The following MAK variants were observed in gnomAD, a reference collection of about 807,000 sequenced individuals.
The protein encoded by MAK is male germ cell associated kinase.
MAK carries 65 observed loss-of-function variants against 82.6 expected under a neutral mutation model. That is an observed-to-expected ratio of 0.79 (90% CI 0.64 to 0.97). MAK has a LOEUF of 0.97. Ranked by LOEUF, MAK falls within the 50% of genes least tolerant of loss-of-function variation. The pLI, the probability that MAK is intolerant of heterozygous loss-of-function variation, is 0.00. For missense variants in MAK, 703 were observed against 780.2 expected, an observed-to-expected ratio of 0.90 and a Z score of 1.18; for synonymous variants, 250 against 274.2, an observed-to-expected ratio of 0.91 and a Z score of 0.87.
rs777163256 is a variant in MAK at position 10,830,599 on chromosome 6, C to T, written c.50G>A (p.Ser17Asn). The T allele has an allele frequency of 1.1e-5, 18 of 1,614,072 alleles. No individual in the cohort carries two copies. The African/African-American group carries it at 2.3e-4, about 20-fold the overall frequency. The change falls in exon 2 of 15, where the codon AGT becomes AAT. Residue 17 changes from serine (S) to asparagine (N), a missense_variant. Ser to Asn is a conservative substitution (Grantham distance 46). Coordinates refer to ENST00000354489, the MANE Select transcript of MAK (RefSeq NM_001242957.3). ...MRQLGDGTYGSVLMGKSNESG... is the reference protein window; with the variant it reads ...MRQLGDGTYGNVLMGKSNESG... ...TTCATTACTCTTGCCCATAAGCACA[C>T]TCCCATACGTGCCGTCCCCCAACTG...
In MAK at chr6:10,800,637, C is replaced by T. The variant is rs185577144; in HGVS notation, c.831+1255G>A. 0.014 allele frequency among the ~76,000 whole-genome samples: 2,168 copies of T among 151,904 alleles called. 24 individuals are homozygous for T. The highest frequency in any genetic ancestry group is 0.023 in the Non-Finnish European group (1,562 of 67,960). ...GGCAGATCACCTGAGGTTGGGAGGT[C>T]GAGACCAGCCTCACCAACATGGAGA... On this transcript the variant is annotated intron_variant, in intron 8 of 14. Coordinates refer to ENST00000354489, the MANE Select transcript of MAK (RefSeq NM_001242957.3). The surrounding 1 kb of genome is among the most constrained non-coding windows in gnomAD (Gnocchi z 4.2).
intron 1 of MAK, among the ~76,000 whole-genome samples, chr6:10,832,020 C>T (rs551277253): frequency 6.6e-6 from 1 of 152,220 alleles, no homozygotes; most frequent in Non-Finnish European, 1.5e-5. Flanking sequence ...ACCTCCGCCT[C>T]CCAGGTTCAA....
chr6:10,795,516 GTGTATCACT>G (rs1410759794), intron 9 of MAK, among the ~76,000 whole-genome samples: 1 of 152,170 alleles, frequency 6.6e-6, no homozygotes, highest in African/African-American at 2.4e-5. Flanking sequence ...GCCAAGGCGG[GTGTATCACT>G]TGCAGTCAGG....
intron 6 of MAK, among the ~76,000 whole-genome samples, chr6:10,806,000 G>C (rs1411911834): frequency 6.6e-6 from 1 of 152,144 alleles, no homozygotes; most frequent in Non-Finnish European, 1.5e-5. Context: ...CAGGTAACCA[G>C]GGCGGATCCC....
At chr6:10,767,037 T>G (rs115052305) in intron 14 of MAK, among the ~76,000 whole-genome samples, 215 of 152,292 alleles carry the variant, frequency 1.4e-3, no homozygotes, top group African/African-American at 4.7e-3. Flanking sequence ...CCAGATCTCG[T>G]GGCAGGGCAA....
intron 2 of MAK, among the ~76,000 whole-genome samples, chr6:10,820,099 G>A (rs1039365655): frequency 4.6e-5 from 7 of 151,440 alleles, no homozygotes; most frequent in African/African-American, 1.7e-4. Flanking sequence ...GTGGCAGAGT[G>A]AGACTCTGTC....
intron 11 of MAK, among the ~76,000 whole-genome samples, chr6:10,778,285 A>G (rs1043910301): frequency 6.6e-6 from 1 of 152,208 alleles, no homozygotes; most frequent in Non-Finnish European, 1.5e-5. Flanking sequence ...ATAACTAAGT[A>G]AATACATAAT....
At chr6:10,812,073 G>T (rs112201621) in intron 5 of MAK, among the ~76,000 whole-genome samples, 1 of 152,060 alleles carries the variant, frequency 6.6e-6, no homozygotes, top group Admixed American at 6.6e-5. Context: ...GGAAGCGTGC[G>T]CCTGTAGTCC....
chr6:10,770,884 G>GCTC (rs1581640032), intron 13 of MAK, among the ~76,000 whole-genome samples: 1 of 152,096 alleles, frequency 6.6e-6, no homozygotes, highest in East Asian at 1.9e-4. Flanking sequence ...AATGAGGGAG[G>GCTC]ATGAGGGTCT....
At chr6:10,784,658 C>T in intron 10 of MAK, 86 bp from the exon 11 acceptor site, 2 of 1,220,598 alleles carry the variant, frequency 1.6e-6, no homozygotes, top group Non-Finnish European at 2.4e-6. Context: ...ACCCTCTGCA[C>T]ATCTTCCTAA....
At chr6:10,780,167 T>G (rs529772697) in intron 11 of MAK, 1 of 763,512 alleles carries the variant, frequency 1.3e-6, no homozygotes, top group Non-Finnish European at 1.6e-6. Context: ...AGGCTCAAGT[T>G]TACATTCCAA....
At chr6:10,789,386 C>T (rs1774883256) in intron 10 of MAK, among the ~76,000 whole-genome samples, 2 of 152,116 alleles carry the variant, frequency 1.3e-5, no homozygotes, top group Non-Finnish European at 2.9e-5. Context: ...TTCAGTGTTT[C>T]CAAATCACCA....
In MAK at chr6:10,813,729, AAGAAATGAACAGTCACATAATTC is replaced by A; in HGVS notation, c.279-29_279-7del. 6.6e-7 allele frequency: 1 copy of A among 1,523,410 alleles called. No homozygotes were observed. Among genetic ancestry groups the A allele is most frequent in the Non-Finnish European group, 9.1e-7 (1 of 1,097,914 alleles). 94.4% of individuals were successfully genotyped at this position (1,523,410 alleles called of 1,614,324 possible). On this transcript the variant is annotated splice_polypyrimidine_tract_variant and splice_region_variant and intron_variant, in intron 4 of 14. Coordinates refer to ENST00000354489, the MANE Select transcript of MAK (RefSeq NM_001242957.3). ...ATTCAGGGAACAACTTGTTTCTGTA[AAGAAATGAACAGTCACATAATTC>A]TGTTAAGCAACCAGCCAACCAATCC... is the stretch of plus-strand genomic sequence containing the variant.
rs1554184484 is a variant in MAK at position 10,815,912 on chromosome 6, G to GTACATATATATATATATA, written c.278+1937_278+1938insTATATATATATATATGTA. Among the ~76,000 whole-genome samples the GTACATATATATATATATA allele has an allele frequency of 9.5e-4, 103 of 108,320 alleles. 2 individuals carry two copies. The highest frequency in any genetic ancestry group is 2.6e-3 in the Admixed American group (27 of 10,398). 71.1% of individuals were successfully genotyped at this position (108,320 alleles called of 152,430 possible). On this transcript the variant is annotated intron_variant, in intron 4 of 14. Transcript: ENST00000354489. ...TACTGTATTAGTGTAGCTTTATACA[G>GTACATATATATATATATA]TATATATATATATATATATATATAT...
chr6:10,816,627 T>C (rs1777524764), intron 4 of MAK, among the ~76,000 whole-genome samples: 1 of 152,174 alleles, frequency 6.6e-6, no homozygotes, highest in African/African-American at 2.4e-5. Flanking sequence ...ATATTAGGAA[T>C]GAAAGTCACA....
chr6:10,811,572 T>C (rs944285902), intron 5 of MAK, among the ~76,000 whole-genome samples: 1 of 152,248 alleles, frequency 6.6e-6, no homozygotes, highest in South Asian at 2.1e-4. Flanking sequence ...AGTGTTACCA[T>C]GCTGACCAGA....
chr6:10,781,501 G>A (rs1009926117), intron 11 of MAK, among the ~76,000 whole-genome samples: 7 of 145,610 alleles, frequency 4.8e-5, no homozygotes, highest in Non-Finnish European at 8.9e-5. Flanking sequence ...TTGGCTCACT[G>A]CAACCTCTGC....
intron 8 of MAK, among the ~76,000 whole-genome samples, chr6:10,801,328 A>C (rs900254343): frequency 6.6e-6 from 1 of 152,240 alleles, no homozygotes; most frequent in East Asian, 1.9e-4. Context: ...CCTTGCAGAC[A>C]AAAACACTGG....
At chr6:10,783,394 C>A (rs1282368592) in intron 11 of MAK, among the ~76,000 whole-genome samples, 2 of 152,110 alleles carry the variant, frequency 1.3e-5, no homozygotes, top group Non-Finnish European at 2.9e-5. Flanking sequence ...ACAGGCATCC[C>A]GCACTCAGCT....
Sources: allele counts gnomAD v4.1 joint callset (sites outside exome capture counted in the v4.1 genomes callset), GRCh38; gene constraint gnomAD v4.1.1; non-coding constraint Gnocchi (gnomAD v3.1); transcripts MANE v1.5; gene names NCBI Gene and HGNC (gene_info 2026-07-23, HGNC 2026-07-21).